The following ETV6 variants were observed in gnomAD, a reference collection of about 807,000 sequenced individuals.
ETV6 encodes transcription factor ETV6.
A neutral mutation model predicts 51.1 loss-of-function variants in ETV6; 16 were observed. The ratio of observed to expected loss-of-function variants is 0.31; its 90% CI spans 0.21 to 0.48. ETV6 has a LOEUF of 0.48. Among genes scored for constraint, ETV6 ranks in the 20% least tolerant of loss-of-function variants. The probability of loss-of-function intolerance (pLI) is 0.99; values close to 1 mark genes in which losing one functional copy is unlikely to be tolerated. For missense variants in ETV6, 458 were observed against 594.8 expected, an observed-to-expected ratio of 0.77 and a Z score of 2.39; for synonymous variants, 240 against 224.1, an observed-to-expected ratio of 1.07 and a Z score of -0.64.
chr12:11,830,778 T>C (rs1444503310), intron 2 of ETV6, among the ~76,000 whole-genome samples: 2 of 152,232 alleles, frequency 1.3e-5, no homozygotes, highest in East Asian at 3.8e-4. Flanking sequence ...TCTTAACACA[T>C]GTACCTAACA....
At chr12:11,720,372 C>G (rs1865360053) in intron 1 of ETV6, among the ~76,000 whole-genome samples, 1 of 152,308 alleles carries the variant, frequency 6.6e-6, no homozygotes, top group Non-Finnish European at 1.5e-5. Context: ...GCTCTTAGTT[C>G]TGACACTTAT....
intron 2 of ETV6, among the ~76,000 whole-genome samples, chr12:11,766,917 G>C (rs967071050): frequency 2.0e-5 from 3 of 152,160 alleles, no homozygotes; most frequent in Non-Finnish European, 4.4e-5. Context: ...CTGGGTGGAC[G>C]ATATTCTTGT....
chr12:11,654,826 G>A (rs564661045), intron 1 of ETV6, among the ~76,000 whole-genome samples: 6 of 152,300 alleles, frequency 3.9e-5, no homozygotes, highest in African/African-American at 9.6e-5. Context: ...TGGGTGGGCC[G>A]TAGGCTCTTT....
At chr12:11,789,470 C>CT (rs1439386233) in intron 2 of ETV6, among the ~76,000 whole-genome samples, 1 of 152,168 alleles carries the variant, frequency 6.6e-6, no homozygotes, top group African/African-American at 2.4e-5. Flanking sequence ...TCGGTCTGGG[C>CT]TTCAGCTTGG....
At chr12:11,721,790 A>G (rs550434331) in intron 1 of ETV6, among the ~76,000 whole-genome samples, 1 of 152,376 alleles carries the variant, frequency 6.6e-6, no homozygotes, top group African/African-American at 2.4e-5. Flanking sequence ...ACCCTGGCAT[A>G]TAATAGATGC....
intron 1 of ETV6, among the ~76,000 whole-genome samples, chr12:11,690,840 T>C (rs1864742146): frequency 6.6e-6 from 1 of 151,418 alleles, no homozygotes; most frequent in Non-Finnish European, 1.5e-5. Context: ...GAAGCCAAGA[T>C]TGTGCCACTG....
At chr12:11,651,868 G>A (rs1044622330) in intron 1 of ETV6, among the ~76,000 whole-genome samples, 4 of 152,150 alleles carry the variant, frequency 2.6e-5, no homozygotes, top group East Asian at 3.8e-4. Context: ...TTTCTGTGAC[G>A]TTTCTTGATC....
chr12:11,746,071 G>A (rs138620735), intron 1 of ETV6, among the ~76,000 whole-genome samples: 108 of 152,310 alleles, frequency 7.1e-4, no homozygotes, highest in African/African-American at 2.5e-3. Flanking sequence ...CATAGGATAA[G>A]CAACATGCAT....
At position 11,752,435 on chromosome 12, in the gene ETV6, C is replaced by T; in HGVS notation, c.34-15C>T. 1 of 1,605,816 alleles carries T rather than the reference C, an allele frequency of 6.2e-7. No homozygotes were observed. On this transcript the variant is annotated splice_polypyrimidine_tract_variant and intron_variant, in intron 1 of 7. Coordinates refer to ENST00000396373, the MANE Select transcript of ETV6 (RefSeq NM_001987.5). ...CTCTCTCCCCCTCCCCTCTTCCTGC[C>T]CTTATTTTTAACAGCAGGAACGAAT...
At chr12:11,785,465 A>ATG (rs1168481629) in intron 2 of ETV6, among the ~76,000 whole-genome samples, 5 of 152,104 alleles carry the variant, frequency 3.3e-5, no homozygotes, top group Non-Finnish European at 5.9e-5. Context: ...CCTGACTAGG[A>ATG]TGTAAGCTCA....
intron 1 of ETV6, among the ~76,000 whole-genome samples, chr12:11,726,613 AG>A (rs1180133223): frequency 6.6e-6 from 1 of 152,124 alleles, no homozygotes; most frequent in Non-Finnish European, 1.5e-5. Context: ...CTTCATCCCT[AG>A]AAAAAACAAT....
chr12:11,790,298 C>T (rs1209956578), intron 2 of ETV6, among the ~76,000 whole-genome samples: 1 of 152,042 alleles, frequency 6.6e-6, no homozygotes, highest in Non-Finnish European at 1.5e-5. Flanking sequence ...TGCTGTCTGC[C>T]TTCTATACTC....
intron 2 of ETV6, among the ~76,000 whole-genome samples, chr12:11,753,209 C>G (rs1010661783): frequency 2.0e-5 from 3 of 152,150 alleles, no homozygotes; most frequent in Admixed American, 6.5e-5. Context: ...CAAATCATCT[C>G]TACCCCTTGG....
Position 11,869,854 on chromosome 12 carries a change from T to C in ETV6, c.894T>C (p.His298=), listed in dbSNP as rs756059818. 4.3e-6 allele frequency: 7 copies of C among 1,613,232 alleles called. 1 individual carries two copies. The South Asian group carries it at 4.4e-5, about 10-fold the overall frequency. The stretch of plus-strand genomic sequence containing the variant: ...CCAGGCTCTCCGAGGACGGGCTGCA[T>C]AGGGAAGGGAAGCCCATCAACCTCT... ...KQSRLSEDGL[H]REGKPINLSH... Residue 298 remains histidine, a synonymous_variant, in exon 5 of 8, where the codon CAT becomes CAC. Transcript: ENST00000396373. The surrounding 1 kb of genome is among the most constrained non-coding windows in gnomAD (Gnocchi z 5.0).
chr12:11,889,321 T>C (rs1342965693), intron 7 of ETV6, among the ~76,000 whole-genome samples: 7 of 152,176 alleles, frequency 4.6e-5, no homozygotes, highest in Non-Finnish European at 1.0e-4. Flanking sequence ...ATAAAAGATT[T>C]TCAGTAAGAG....
At position 11,817,977 on chromosome 12, in the gene ETV6, A is replaced by C. The variant is rs533403983; in HGVS notation, c.164-21163A>C. On this transcript the variant is annotated intron_variant, in intron 2 of 7. Transcript: ENST00000396373. ...GGCCTTAAAGGAGATGTGAGTTTCC[A>C]CATGCAAGGAGGGAGGAAAAGCATG... Among the ~76,000 whole-genome samples the C allele has an allele frequency of 7.4e-4, 112 of 152,218 alleles. 1 individual carries two copies. The highest frequency in any genetic ancestry group is 1.5e-3 in the Non-Finnish European group (99 of 68,038).
chr12:11,840,322 C>G (rs1405790139), intron 3 of ETV6: 14 of 423,926 alleles, frequency 3.3e-5, no homozygotes, highest in Non-Finnish European at 2.4e-5. Context: ...GTTTCATTTC[C>G]TAAACCCTGT....
chr12:11,735,548 G>C (rs965783108), intron 1 of ETV6, among the ~76,000 whole-genome samples: 1 of 152,200 alleles, frequency 6.6e-6, no homozygotes, highest in Non-Finnish European at 1.5e-5. Context: ...TTTGCTATCA[G>C]TAGGCTCTGG....
chr12:11,818,507 G>A (rs950659198), intron 2 of ETV6, among the ~76,000 whole-genome samples: 2 of 142,172 alleles, frequency 1.4e-5, no homozygotes, highest in African/African-American at 5.2e-5. Flanking sequence ...CAGCCTGGGC[G>A]ACAGAGCGAG....
Sources: allele counts gnomAD v4.1 joint callset (sites outside exome capture counted in the v4.1 genomes callset), GRCh38; gene constraint gnomAD v4.1.1; non-coding constraint Gnocchi (gnomAD v3.1); transcripts MANE v1.5; gene names NCBI Gene and HGNC (gene_info 2026-07-23, HGNC 2026-07-21).